C2orf76: variants seen among roughly 807,000 people sequenced by gnomAD.
The protein encoded by C2orf76 is UPF0538 protein C2orf76.
C2orf76 carries 23 observed loss-of-function variants against 16.9 expected under a neutral mutation model. The observed-to-expected ratio is 1.36, with a 90% confidence interval of 0.98 to 1.93. C2orf76 has a LOEUF of 1.93. Among genes scored for constraint, C2orf76 ranks in the 30% most tolerant of loss-of-function variants. The probability of loss-of-function intolerance (pLI) is 0.00; values close to 1 mark genes in which losing one functional copy is unlikely to be tolerated. For synonymous variants in C2orf76, 48 were observed against 52.3 expected (o/e 0.92, Z 0.35); for missense variants, 152 against 152.6 (o/e 1.00, Z 0.02).
At chr2:119,325,058 G>T (rs1045390552) in intron 2 of C2orf76, among the ~76,000 whole-genome samples, 2 of 149,962 alleles carry the variant, frequency 1.3e-5, no homozygotes, top group Admixed American at 6.6e-5. Flanking sequence ...ATTGGTGGCC[G>T]AGTGCAGGGG....
Position 119,363,379 on chromosome 2 carries a change from G to A in C2orf76, c.-13+3411C>T, listed in dbSNP as rs184553785. Among the ~76,000 whole-genome samples, 21 of 148,096 alleles carry A rather than the reference G, an allele frequency of 1.4e-4. No individual in the cohort carries two copies. In the East Asian group the frequency reaches 2.6e-3, roughly 18 times the overall value. ...GCGGAGCTTGCAGTGAGCCGAGATC[G>A]CACCACTACACTCCAGCCTGGGCGA... On this transcript the variant is annotated intron_variant, in intron 1 of 5. Coordinates refer to ENST00000334816, the MANE Select transcript of C2orf76 (RefSeq NM_001322331.2).
chr2:119,306,744 C>G (rs1678799762), intron 5 of C2orf76, among the ~76,000 whole-genome samples: 2 of 151,018 alleles, frequency 1.3e-5, no homozygotes, highest in African/African-American at 2.4e-5. Flanking sequence ...TTCTACTGAT[C>G]AAATCTTTTT....
At chr2:119,288,436 A>T in the C2orf76 span, among the ~76,000 whole-genome samples, 3 of 151,974 alleles carry the variant, frequency 2.0e-5, no homozygotes, top group Admixed American at 1.3e-4. Flanking sequence ...CTTCAATTTT[A>T]AAAAAGTAAG....
rs922310389 is a variant in C2orf76, at chr2:119,342,409, G to A, written c.-12-2438C>T. 3.9e-5 allele frequency among the ~76,000 whole-genome samples: 6 copies of A among 152,132 alleles called. No individual in the cohort carries two copies. The East Asian group carries it at 1.2e-3, about 30-fold the overall frequency. Reference sequence around the variant, plus strand: ...AAGGATCATTTGAGGTCAGGAGTTCGAGACCATCCTGGCCAACGTGGTGAA... The same window carrying A: ...AAGGATCATTTGAGGTCAGGAGTTCAAGACCATCCTGGCCAACGTGGTGAA... On this transcript the variant is annotated intron_variant, in intron 1 of 5. Coordinates refer to ENST00000334816, the MANE Select transcript of C2orf76 (RefSeq NM_001322331.2).
intron 1 of C2orf76, among the ~76,000 whole-genome samples, chr2:119,349,012 T>C (rs1680297697): frequency 6.6e-6 from 1 of 152,090 alleles, no homozygotes; most frequent in African/African-American, 2.4e-5. Context: ...AAACAAAAAT[T>C]AGAAAATTGC....
At chr2:119,364,952 G>C (rs1558801796) in intron 1 of C2orf76, among the ~76,000 whole-genome samples, 1 of 152,016 alleles carries the variant, frequency 6.6e-6, no homozygotes, top group Non-Finnish European at 1.5e-5. Context: ...AGGCATGGTG[G>C]TTGTGCCCAC....
downstream of C2orf76, among the ~76,000 whole-genome samples, chr2:119,301,522 T>C (rs571857687): frequency 2.4e-4 from 36 of 151,516 alleles, no homozygotes; most frequent in African/African-American, 8.2e-4. Context: ...ATGGCAGAGC[T>C]GGCTAAGCTC....
chr2:119,333,068 A>C (rs1679726987), intron 2 of C2orf76, among the ~76,000 whole-genome samples: 1 of 152,238 alleles, frequency 6.6e-6, no homozygotes, highest in African/African-American at 2.4e-5. Context: ...TAAAGTACTT[A>C]AATTAAAGAA....
At chr2:119,354,645 A>G (rs1193238574) in intron 1 of C2orf76, among the ~76,000 whole-genome samples, 1 of 152,230 alleles carries the variant, frequency 6.6e-6, no homozygotes, top group Non-Finnish European at 1.5e-5. Flanking sequence ...ATACAAATGA[A>G]AGCACCATTA....
chr2:119,297,271 C>T (rs1212963654), downstream of C2orf76, among the ~76,000 whole-genome samples: 2 of 152,200 alleles, frequency 1.3e-5, no homozygotes, highest in Non-Finnish European at 2.9e-5. Flanking sequence ...ATATAAAATA[C>T]ATACAGTGTC....
At chr2:119,354,709 A>G (rs1249472224) in intron 1 of C2orf76, among the ~76,000 whole-genome samples, 1 of 152,188 alleles carries the variant, frequency 6.6e-6, no homozygotes, top group African/African-American at 2.4e-5. Flanking sequence ...TGAGAAAGAT[A>G]TTTTCAACAT....
chr2:119,365,206 G>A (rs1349605322), intron 1 of C2orf76, among the ~76,000 whole-genome samples: 1 of 152,198 alleles, frequency 6.6e-6, no homozygotes, highest in East Asian at 1.9e-4. Flanking sequence ...TGCTGACTAG[G>A]AGATGTATTT....
intron 3 of C2orf76, among the ~76,000 whole-genome samples, chr2:119,318,237 T>C (rs1221039845): frequency 2.6e-5 from 4 of 152,232 alleles, no homozygotes; most frequent in Non-Finnish European, 5.9e-5. Flanking sequence ...ATTCAACAGG[T>C]TGAAATTCAG....
intron 1 of C2orf76, among the ~76,000 whole-genome samples, chr2:119,342,930 C>T (rs1018308481): frequency 1.6e-4 from 25 of 152,062 alleles, no homozygotes; most frequent in Admixed American, 1.2e-3. Context: ...CCACCAGGCC[C>T]GGCTAATTTT....
At chr2:119,366,768 A>G (rs1409100962) in intron 1 of C2orf76, 22 bp downstream of exon 1, 3 of 559,782 alleles carry the variant, frequency 5.4e-6, no homozygotes, top group East Asian at 6.1e-5. Flanking sequence ...AAAACTAAGC[A>G]CCCTACTTCC....
chr2:119,366,933 A>T, upstream of C2orf76: 6 of 1,317,754 alleles, frequency 4.6e-6, no homozygotes, highest in Non-Finnish European at 6.5e-6. Context: ...TGCTCGCCCG[A>T]GCAGGGTTGG....
chr2:119,316,310 G>A (rs899754593), intron 4 of C2orf76, among the ~76,000 whole-genome samples: 4 of 152,156 alleles, frequency 2.6e-5, no homozygotes, highest in Middle Eastern at 3.2e-3. Context: ...ATGACATTTT[G>A]AGGCATTTCA....
Position 119,317,509 on chromosome 2 carries a change from A to C in C2orf76, c.185-6T>G. 1 of 1,603,696 alleles carries C rather than the reference A, an allele frequency of 6.2e-7. No individual in the cohort carries two copies. Among genetic ancestry groups the C allele is most frequent in the Non-Finnish European group, 8.5e-7 (1 of 1,173,060 alleles). On this transcript the variant is annotated splice_polypyrimidine_tract_variant and splice_region_variant and intron_variant, in intron 3 of 5. Coordinates refer to ENST00000334816, the MANE Select transcript of C2orf76 (RefSeq NM_001322331.2). Reference sequence around the variant, plus strand: ...ATGAATAATCTTTAGTGCATCTGAAAGAAAAAAGCAAGTTATCTTTTTACA... The same window carrying C: ...ATGAATAATCTTTAGTGCATCTGAACGAAAAAAGCAAGTTATCTTTTTACA...
chr2:119,322,888 G>A (rs996714438), intron 2 of C2orf76, among the ~76,000 whole-genome samples: 6 of 152,092 alleles, frequency 3.9e-5, no homozygotes, highest in African/African-American at 1.4e-4. Context: ...GCACTGGTCA[G>A]ACAGAGACCA....
Sources: gnomAD v4.1 joint callset for allele counts (sites outside exome capture counted in the v4.1 genomes callset) on GRCh38, gnomAD v4.1.1 for gene constraint, MANE v1.5 for transcripts, NCBI Gene and HGNC (gene_info 2026-07-23, HGNC 2026-07-21) for gene names.